The following IK variants were observed in gnomAD, a reference collection of about 807,000 sequenced individuals.
IK encodes the protein protein Red.
In IK, 47 loss-of-function variants were observed where a neutral mutation model predicts 90.9. The ratio of observed to expected loss-of-function variants is 0.52; its 90% CI spans 0.41 to 0.66. The LOEUF (loss-of-function observed/expected upper bound fraction) is 0.66, where lower values mean the gene tolerates loss of function less well. IK is among the 30% of genes least tolerant of loss of function. The probability of loss-of-function intolerance (pLI) is 0.00; values close to 1 mark genes in which losing one functional copy is unlikely to be tolerated. For missense variants in IK, 385 were observed against 709.3 expected (o/e 0.54, Z 5.19); for synonymous variants, 201 against 227.5 (o/e 0.88, Z 1.05).
Position 140,659,102 on chromosome 5 carries a change from CGAGA to C in IK, c.1121_1124del (p.Arg374LysfsTer15). The C allele has an allele frequency of 6.2e-7, 1 of 1,610,022 alleles. No homozygotes were observed. Among genetic ancestry groups the C allele is most frequent in the Non-Finnish European group, 8.5e-7 (1 of 1,178,118 alleles). On this transcript the variant is annotated frameshift_variant, in exon 12 of 20. Transcript: ENST00000417647. LOFTEE classifies it high-confidence loss of function. The stretch of plus-strand genomic sequence containing the variant: ...TCGGGAACGAGAGCGAGAGCGGGAC[CGAGA>C]GAGAGAAGAGGAAAAGAAGAGACAC...
Position 140,659,141 on chromosome 5 carries a change from G to GA in IK, c.1154dup (p.Lys386GlufsTer6). 1 of 1,592,498 alleles carries GA rather than the reference G, an allele frequency of 6.3e-7. No homozygotes were observed. Among genetic ancestry groups the GA allele is most frequent in the Non-Finnish European group, 8.6e-7 (1 of 1,169,168 alleles). On this transcript the variant is annotated frameshift_variant, in exon 12 of 20. Transcript: ENST00000417647. LOFTEE classifies it high-confidence loss of function. ...GGAAAAGAAGAGACACAGCTACTTT[G>GA]AGAAGCCAAAAGTAGATGATGAGGT... is the stretch of plus-strand genomic sequence containing the variant.
At chr5:140,653,250 G>T in intron 5 of IK, 106 bp downstream of exon 5, 2 of 903,458 alleles carry the variant, frequency 2.2e-6, no homozygotes, top group Non-Finnish European at 1.6e-6. Context: ...TACAATAAGC[G>T]ATTTCAGAGG....
rs767322428 is a variant in IK, at chr5:140,662,228, T to A, written c.1646+15T>A. ...GAAGCTGATGGGTGAGCGGCATTATTCTTCCTCTGTGGGACTGGTGGGAAT... is the reference window on the plus strand; with the variant it reads ...GAAGCTGATGGGTGAGCGGCATTATACTTCCTCTGTGGGACTGGTGGGAAT... On this transcript the variant is annotated intron_variant, in intron 19 of 19. Transcript: ENST00000417647. 1 of 1,614,014 alleles carries A rather than the reference T, an allele frequency of 6.2e-7. No individual in the cohort carries two copies. The highest frequency in any genetic ancestry group is 1.1e-5 in the South Asian group (1 of 91,088).
At chr5:140,660,071 C>G in intron 14 of IK, 44 bp from the exon 15 acceptor site, 4 of 1,548,658 alleles carry the variant, frequency 2.6e-6, no homozygotes, top group Non-Finnish European at 3.6e-6. Context: ...AGCTTTACAG[C>G]AATAGGTAGA....
chr5:140,653,089 A>C lies in IK; in HGVS notation c.349A>C (p.Thr117Pro), dbSNP rs1757642352. Residue 117 changes from threonine to proline, a missense_variant, in exon 5 of 20, where the codon ACC (threonine) becomes CCC (proline). Around this residue, in one of 8 missense-constraint regions of IK, gnomAD observed 64 missense variants for 144.6 expected, o/e 0.44. Transcript: ENST00000417647. Reference protein sequence around the residue: ...RDGVNKDYEETELISTTANYR... With the variant: ...RDGVNKDYEEPELISTTANYR... ...TGGAGTGAACAAAGATTATGAAGAA[A>C]CCGAGCTTATCAGCACCACAGCTAA... The C allele has an allele frequency of 6.2e-7, 1 of 1,613,850 alleles. No individual in the cohort carries two copies. The highest frequency in any genetic ancestry group is 2.2e-5 in the East Asian group (1 of 44,868).
At chr5:140,654,765 G>T in intron 8 of IK, 38 bp downstream of exon 8, 1 of 1,328,392 alleles carries the variant, frequency 7.5e-7, no homozygotes, top group Non-Finnish European at 1.1e-6. Flanking sequence ...ATGCATTCTG[G>T]ATGAATTGTA....
At chr5:140,651,188 A>G (rs1757610378) in intron 2 of IK, among the ~76,000 whole-genome samples, 2 of 152,148 alleles carry the variant, frequency 1.3e-5, no homozygotes, top group Non-Finnish European at 2.9e-5. Flanking sequence ...GTGGTGGCTT[A>G]CACCTATAAT....
chr5:140,654,646 C>T (rs1047849625), intron 7 of IK, 35 bp from the exon 8 acceptor site: 1 of 1,582,576 alleles, frequency 6.3e-7, no homozygotes, highest in African/African-American at 1.3e-5. Context: ...AGTTAGAGCA[C>T]ATTTAGCAAA....
At position 140,647,900 on chromosome 5, in the gene IK, G is replaced by A; in HGVS notation, c.-9G>A. ...CGATTGTTGGTGACAGCGAAAGAAC[G>A]ATAACAAAATGCCGGAGCGAGATAG... On this transcript the variant is annotated 5_prime_UTR_variant, in exon 1 of 20. Transcript: ENST00000417647. 2 of 1,613,982 alleles carry A rather than the reference G, an allele frequency of 1.2e-6. No homozygotes were observed. Among genetic ancestry groups the A allele is most frequent in the Non-Finnish European group, 1.7e-6 (2 of 1,179,866 alleles).
chr5:140,659,130 A>C lies in IK; in HGVS notation c.1142A>C (p.His381Pro). The part of the protein sequence containing the change: ...DREREEEKKR[H>P]SYFEKPKVDD... ...GAGAGAGAAGAGGAAAAGAAGAGAC[A>C]CAGCTACTTTGAGAAGCCAAAAGTA... is the stretch of plus-strand genomic sequence containing the variant. The change falls in exon 12 of 20, where the codon CAC becomes CCC. Residue 381 changes from histidine to proline, a missense_variant. Physicochemically the swap from His to Pro is moderately conservative, Grantham distance 77. This residue lies in a region of IK where 139 missense variants were observed against 172.0 expected (regional missense o/e 0.81). Transcript: ENST00000417647. 1 of 1,598,032 alleles carries C rather than the reference A, an allele frequency of 6.3e-7. No homozygotes were observed. Among genetic ancestry groups the C allele is most frequent in the Non-Finnish European group, 8.5e-7 (1 of 1,172,120 alleles).
At chr5:140,653,266 G>A in intron 5 of IK, 122 bp downstream of exon 5, 1 of 732,628 alleles carries the variant, frequency 1.4e-6, no homozygotes. Context: ...AGAGGCATTT[G>A]CCACCCACAA....
chr5:140,661,094 A>C lies in IK; in HGVS notation c.1413+279A>C. 2.5e-6 allele frequency: 1 copy of C among 396,504 alleles called. No homozygotes were observed. Among genetic ancestry groups the C allele is most frequent in the Non-Finnish European group, 4.5e-6 (1 of 224,304 alleles). 24.6% of individuals were successfully genotyped at this position (396,504 alleles called of 1,614,324 possible). A position where few individuals can be genotyped will look rare whatever the true frequency, so the allele number is the denominator to read the frequency against. On this transcript the variant is annotated intron_variant, in intron 16 of 19. Transcript: ENST00000417647. The surrounding 1 kb of genome is among the most constrained non-coding windows in gnomAD (Gnocchi z 4.2). ...GTAGGCAGTAAGCAAGCATCAATGCATAAGTAGAAAGGGCAGAAAAAATTG... is the reference window on the plus strand; with the variant it reads ...GTAGGCAGTAAGCAAGCATCAATGCCTAAGTAGAAAGGGCAGAAAAAATTG...
chr5:140,651,995 T>G lies in IK; in HGVS notation c.177-93T>G. On this transcript the variant is annotated intron_variant, in intron 3 of 19. Transcript: ENST00000417647. ...TTGAAAGTGTTACTTTGATCAGTAT[T>G]CTAGGTCTTTCTAAAAATCCTCAAG... 3 of 992,214 alleles carry G rather than the reference T, an allele frequency of 3.0e-6. No individual in the cohort carries two copies. In the South Asian group the frequency reaches 3.9e-5, roughly 13 times the overall value. 61.5% of individuals were successfully genotyped at this position (992,214 alleles called of 1,614,324 possible).
At chr5:140,655,349 C>T (rs1420213336) in intron 8 of IK, among the ~76,000 whole-genome samples, 2 of 152,158 alleles carry the variant, frequency 1.3e-5, no homozygotes, top group Non-Finnish European at 2.9e-5. Flanking sequence ...GTTTGTTCAT[C>T]TGTAAAAATT....
chr5:140,658,909 T>C (rs762550700), intron 11 of IK, 30 bp from the exon 12 acceptor site: 4 of 1,613,024 alleles, frequency 2.5e-6, no homozygotes, highest in Non-Finnish European at 3.4e-6. Flanking sequence ...ATGTGTGAAT[T>C]TGGCCAGCTA....
Position 140,655,856 on chromosome 5 carries a change from A to G in IK, c.665A>G (p.Lys222Arg). ...LGRNVYRMLF[K>R]SKAYERNELF... ...CGCAATGTTTACCGAATGCTTTTTA[A>G]GAGCAAAGCATATGAGCGGAATGAG... The change falls in exon 9 of 20, where the codon AAG (lysine) becomes AGG (arginine). Residue 222 changes from lysine to arginine, a missense_variant. This residue lies in a region of IK where 46 missense variants were observed against 50.0 expected (regional missense o/e 0.92). Transcript: ENST00000417647. 1 of 1,610,452 alleles carries G rather than the reference A, an allele frequency of 6.2e-7. No individual in the cohort carries two copies. Among genetic ancestry groups the G allele is most frequent in the African/African-American group, 1.3e-5 (1 of 75,032 alleles).
At chr5:140,658,316 TTTTA>T (rs1182835843) in intron 10 of IK, among the ~76,000 whole-genome samples, 4 of 151,142 alleles carry the variant, frequency 2.6e-5, no homozygotes, top group African/African-American at 4.9e-5. Flanking sequence ...ATTTTATTAT[TTTTA>T]TTTATTTATT....
chr5:140,658,440 C>G (rs1362506259), intron 10 of IK, among the ~76,000 whole-genome samples: 1 of 152,158 alleles, frequency 6.6e-6, no homozygotes, highest in Non-Finnish European at 1.5e-5. Context: ...GCCTCAGCCT[C>G]CTGAGTAGCT....
At position 140,648,042 on chromosome 5, in the gene IK, G is replaced by A. The variant is rs1045097817; in HGVS notation, c.16+118G>A. 198 of 471,254 alleles carry A rather than the reference G, an allele frequency of 4.2e-4. 1 individual carries two copies. Among genetic ancestry groups the A allele is most frequent in the African/African-American group, 1.1e-3 (34 of 31,604 alleles). 29.2% of individuals were successfully genotyped at this position (471,254 alleles called of 1,614,324 possible). A position where few individuals can be genotyped will look rare whatever the true frequency, so the allele number is the denominator to read the frequency against. ...TGTGTGTGTGTGTGTGTGTGTGTGT[G>A]TGTATGTATGTATGTGTGACGCTTG... On this transcript the variant is annotated intron_variant, in intron 1 of 19. Transcript: ENST00000417647.
Sources: allele counts gnomAD v4.1 joint callset (sites outside exome capture counted in the v4.1 genomes callset), GRCh38; gene constraint gnomAD v4.1.1; regional missense constraint gnomAD v4.1.1; non-coding constraint Gnocchi (gnomAD v3.1); transcripts MANE v1.5; gene names NCBI Gene and HGNC (gene_info 2026-07-23, HGNC 2026-07-21).